Variants in SGCD observed in about 807,000 individuals in gnomAD.
SGCD encodes sarcoglycan delta.
SGCD carries 18 observed loss-of-function variants against 36.6 expected under a neutral mutation model. The observed-to-expected ratio is 0.49, with a 90% CI of 0.34 to 0.73. SGCD has a LOEUF of 0.73. SGCD is among the 30% of genes least tolerant of loss of function. The pLI, the probability that SGCD is intolerant of heterozygous loss-of-function variation, is 0.01. For missense variants in SGCD, 387 were observed against 346.7 expected (o/e 1.12, Z -0.92); for synonymous variants, 133 against 130.6 (o/e 1.02, Z -0.12).
At chr5:155,779,136 T>G in the SGCD span, among the ~76,000 whole-genome samples, 1 of 152,308 alleles carries the variant, frequency 6.6e-6, no homozygotes, top group Admixed American at 6.5e-5. Flanking sequence ...TTGTCAAAAC[T>G]TGAGCACTGG....
At chr5:155,745,469 T>C in the SGCD span, among the ~76,000 whole-genome samples, 3 of 152,162 alleles carry the variant, frequency 2.0e-5, no homozygotes, top group Non-Finnish European at 4.4e-5. Flanking sequence ...TTTCTCTCTT[T>C]TTTTCCTCAT....
At chr5:155,892,809 T>C (rs1029316645) in intron 1 of SGCD, among the ~76,000 whole-genome samples, 2 of 152,204 alleles carry the variant, frequency 1.3e-5, no homozygotes, top group African/African-American at 4.8e-5. Flanking sequence ...CTTTAGCCAT[T>C]CATCCACTGA....
chr5:156,051,452 T>C (rs1759913629), intron 1 of SGCD, among the ~76,000 whole-genome samples: 1 of 146,478 alleles, frequency 6.8e-6, no homozygotes, highest in Non-Finnish European at 1.5e-5. Flanking sequence ...GTCTGCTTTT[T>C]GGCAAACTGA....
chr5:156,619,996 C>G (rs142524769), intron 6 of SGCD, among the ~76,000 whole-genome samples: 2 of 152,268 alleles, frequency 1.3e-5, no homozygotes, highest in African/African-American at 4.8e-5. Context: ...GAGAAAATAT[C>G]CAGTCTTCTT....
At chr5:156,751,565 A>G (rs570847839) in intron 7 of SGCD, among the ~76,000 whole-genome samples, 1 of 152,230 alleles carries the variant, frequency 6.6e-6, no homozygotes, top group Non-Finnish European at 1.5e-5. Context: ...GAACGGCTGA[A>G]TATTTTTCAG....
intron 7 of SGCD, among the ~76,000 whole-genome samples, chr5:156,727,756 A>G (rs1380338622): frequency 2.0e-5 from 3 of 152,252 alleles, no homozygotes; most frequent in African/African-American, 4.8e-5. Context: ...GATTATATGC[A>G]TAAATTACCT....
chr5:156,058,699 T>C lies in SGCD; in HGVS notation c.-281-59179T>C, dbSNP rs190038874. On this transcript the variant is annotated intron_variant, in intron 1 of 9. Coordinates refer to the SGCD transcript ENST00000517913. ...ATAATATTAGCAAACCATCATTAAG[T>C]TTGTAGATGAAATAATGGTATTACA... Among the ~76,000 whole-genome samples the C allele has an allele frequency of 3.4e-5, 5 of 146,684 alleles. No individual in the cohort carries two copies. The East Asian group carries it at 9.6e-4, about 28-fold the overall frequency.
At chr5:156,122,743 G>T (rs1384430842) in intron 2 of SGCD, among the ~76,000 whole-genome samples, 1 of 149,644 alleles carries the variant, frequency 6.7e-6, no homozygotes, top group African/African-American at 2.5e-5. Flanking sequence ...CTCTTACATG[G>T]GTCTGGTGGA....
intron 3 of SGCD, among the ~76,000 whole-genome samples, chr5:156,189,865 T>C (rs1244463803): frequency 2.0e-5 from 3 of 152,204 alleles, no homozygotes; most frequent in Non-Finnish European, 4.4e-5. Context: ...TAAAGACTGC[T>C]GATTCTGAGG....
chr5:155,966,336 G>T (rs1315016185), intron 1 of SGCD, among the ~76,000 whole-genome samples: 1 of 152,090 alleles, frequency 6.6e-6, no homozygotes, highest in Non-Finnish European at 1.5e-5. Flanking sequence ...TTTAACAATT[G>T]TGAAACTTTG....
chr5:156,656,983 C>A (rs1763709275), intron 7 of SGCD, among the ~76,000 whole-genome samples: 1 of 152,118 alleles, frequency 6.6e-6, no homozygotes, highest in Non-Finnish European at 1.5e-5. Context: ...CTGTGTGTAT[C>A]ATTGGGAAAC....
intron 4 of SGCD, among the ~76,000 whole-genome samples, chr5:156,551,502 G>A (rs192565925): frequency 6.6e-6 from 1 of 152,194 alleles, no homozygotes; most frequent in Non-Finnish European, 1.5e-5. Flanking sequence ...CGGGAACAGG[G>A]CAGGGTTTTG....
chr5:156,112,983 A>G (rs139073389), intron 1 of SGCD, among the ~76,000 whole-genome samples: 1 of 152,328 alleles, frequency 6.6e-6, no homozygotes, highest in East Asian at 1.9e-4. Context: ...TTCCAATGCA[A>G]TGGTTTTGCA....
At chr5:155,945,494 A>T (rs1757420505) in intron 1 of SGCD, among the ~76,000 whole-genome samples, 1 of 152,172 alleles carries the variant, frequency 6.6e-6, no homozygotes, top group Non-Finnish European at 1.5e-5. Flanking sequence ...CCAACATGCA[A>T]CTACAAATGA....
intron 6 of SGCD, among the ~76,000 whole-genome samples, chr5:156,604,928 T>C (rs1761364867): frequency 6.6e-6 from 1 of 151,500 alleles, no homozygotes; most frequent in Non-Finnish European, 1.5e-5. Flanking sequence ...GTTATTGTTT[T>C]TGACTGTGTT....
At chr5:156,305,700 T>A (rs1393214310) in intron 3 of SGCD, among the ~76,000 whole-genome samples, 1 of 152,082 alleles carries the variant, frequency 6.6e-6, no homozygotes, top group Admixed American at 6.5e-5. Context: ...GAAAAGCACA[T>A]GGAAAAGATG....
chr5:156,375,471 T>A (rs764379927), intron 3 of SGCD, among the ~76,000 whole-genome samples: 1 of 150,230 alleles, frequency 6.7e-6, no homozygotes, highest in African/African-American at 2.5e-5. Flanking sequence ...GTGGTCTGGC[T>A]CCTTATAAAG....
At chr5:156,305,611 C>A (rs913544171) in intron 3 of SGCD, among the ~76,000 whole-genome samples, 1 of 152,170 alleles carries the variant, frequency 6.6e-6, no homozygotes, top group Non-Finnish European at 1.5e-5. Context: ...TACTGAGGCA[C>A]CACCTATTGG....
chr5:156,042,004 A>G (rs1187915957), intron 1 of SGCD, among the ~76,000 whole-genome samples: 1 of 152,152 alleles, frequency 6.6e-6, no homozygotes, highest in African/African-American at 2.4e-5. Context: ...AGTGAGAGCT[A>G]GTGACCAGGC....
Sources: gnomAD v4.1 joint callset for allele counts (sites outside exome capture counted in the v4.1 genomes callset) on GRCh38, gnomAD v4.1.1 for gene constraint, MANE v1.5 for transcripts, NCBI Gene and HGNC (gene_info 2026-07-23, HGNC 2026-07-21) for gene names.